The following NDST3 variants were observed in gnomAD, a reference collection of about 807,000 sequenced individuals.
NDST3 encodes bifunctional heparan sulfate N-deacetylase/N-sulfotransferase 3.
Under a neutral mutation model 96.1 loss-of-function variants are expected in NDST3, and 58 were observed. The ratio of observed to expected loss-of-function variants is 0.60; its 90% CI spans 0.49 to 0.75. NDST3 has a LOEUF of 0.75. NDST3 is among the 30% of genes least tolerant of loss of function. The pLI, the probability that NDST3 is intolerant of heterozygous loss-of-function variation, is 0.00. For synonymous variants in NDST3, 333 were observed against 359.7 expected, an observed-to-expected ratio of 0.93 and a Z score of 0.84; for missense variants, 788 against 1,034.2, an observed-to-expected ratio of 0.76 and a Z score of 3.27.
chr4:118,056,707 G>A (rs1382456244), intron 2 of NDST3, among the ~76,000 whole-genome samples: 2 of 151,946 alleles, frequency 1.3e-5, no homozygotes, highest in African/African-American at 4.8e-5. Context: ...GAGGGGCAGG[G>A]GAGAGTAGAG....
chr4:118,121,483 G>T (rs1241561628), intron 4 of NDST3, among the ~76,000 whole-genome samples: 1 of 152,172 alleles, frequency 6.6e-6, no homozygotes, highest in Non-Finnish European at 1.5e-5. Flanking sequence ...GAACATTAGA[G>T]AAGGAGTGTT....
At chr4:118,120,229 C>T (rs913155557) in intron 4 of NDST3, among the ~76,000 whole-genome samples, 1 of 151,892 alleles carries the variant, frequency 6.6e-6, no homozygotes, top group African/African-American at 2.4e-5. Flanking sequence ...GAGATGACTG[C>T]CATTGAAAAG....
At chr4:118,108,438 CT>C (rs1730381033) in intron 3 of NDST3, among the ~76,000 whole-genome samples, 1 of 152,074 alleles carries the variant, frequency 6.6e-6, no homozygotes, top group African/African-American at 2.4e-5. Context: ...ATTGCAAATG[CT>C]TTTCAAATTT....
At chr4:118,239,211 A>G (rs1740865890) in intron 10 of NDST3, among the ~76,000 whole-genome samples, 1 of 152,238 alleles carries the variant, frequency 6.6e-6, no homozygotes. Context: ...TCATAATATT[A>G]GAGAATAAAG....
At chr4:118,193,568 G>A in intron 6 of NDST3, 1 of 1,099,284 alleles carries the variant, frequency 9.1e-7, no homozygotes, top group South Asian at 1.2e-5. Context: ...CTTCTCCCAG[G>A]CAAGCTGCCT....
At chr4:118,254,909 A>G (rs1270893374) in intron 13 of NDST3, among the ~76,000 whole-genome samples, 2 of 152,194 alleles carry the variant, frequency 1.3e-5, no homozygotes, top group Non-Finnish European at 2.9e-5. Context: ...ATTTTGATAA[A>G]CAAACTGCAT....
At chr4:118,131,508 T>A (rs1300131236) in intron 4 of NDST3, among the ~76,000 whole-genome samples, 6 of 152,164 alleles carry the variant, frequency 3.9e-5, no homozygotes. Flanking sequence ...TCTCTGTTAA[T>A]CTTGAATTTC....
chr4:118,162,000 A>G lies in NDST3; in HGVS notation c.1539+18316A>G, dbSNP rs535759553. ...GGAGCTGTAGACCGGAGCTGTTCCTATTCAGCCATCTTGGGTAAAATACCT... is the reference window on the plus strand; with the variant it reads ...GGAGCTGTAGACCGGAGCTGTTCCTGTTCAGCCATCTTGGGTAAAATACCT... On this transcript the variant is annotated intron_variant, in intron 6 of 13. Coordinates refer to ENST00000296499, the MANE Select transcript of NDST3 (RefSeq NM_004784.3). Among the ~76,000 whole-genome samples the G allele has an allele frequency of 3.3e-5, 5 of 152,272 alleles. No individual in the cohort carries two copies. The East Asian group carries it at 9.7e-4, about 29-fold the overall frequency.
At chr4:118,182,062 T>A (rs184734696) in intron 6 of NDST3, among the ~76,000 whole-genome samples, 2 of 152,206 alleles carry the variant, frequency 1.3e-5, no homozygotes, top group East Asian at 3.9e-4. Context: ...AGAAAAAGAT[T>A]CAGACAATGC....
At chr4:118,150,228 G>T (rs994509259) in intron 6 of NDST3, among the ~76,000 whole-genome samples, 41 of 152,160 alleles carry the variant, frequency 2.7e-4, no homozygotes, top group African/African-American at 8.4e-4. Context: ...TTTTTTGGAT[G>T]TGTCTCTGCC....
Position 118,051,183 on chromosome 4 carries a change from A to G in NDST3, c.-155-2573A>G, listed in dbSNP as rs546982238. 3.3e-5 allele frequency among the ~76,000 whole-genome samples: 5 copies of G among 152,312 alleles called. No individual in the cohort carries two copies. In the East Asian group the frequency reaches 9.6e-4, roughly 29 times the overall value. On this transcript the variant is annotated intron_variant, in intron 1 of 13. Coordinates refer to ENST00000296499, the MANE Select transcript of NDST3 (RefSeq NM_004784.3). ...GGCTAGCCATATGCAGAAGAATGAAACTGGACCCTTACCTTTTACCATATA... is the reference window on the plus strand; with the variant it reads ...GGCTAGCCATATGCAGAAGAATGAAGCTGGACCCTTACCTTTTACCATATA...
intron 2 of NDST3, among the ~76,000 whole-genome samples, chr4:118,097,077 C>T (rs137966876): frequency 3.9e-5 from 6 of 152,072 alleles, no homozygotes; most frequent in Non-Finnish European, 8.8e-5. Context: ...ATCTGCTTTA[C>T]TCAGTCTACT....
chr4:118,091,129 T>C lies in NDST3; in HGVS notation c.982-13889T>C, dbSNP rs537815344. ...GAGAGCAGTAGATATAGATACCAGA[T>C]ATAGATACTTGAGGGTGAAGAGTGG... On this transcript the variant is annotated intron_variant, in intron 2 of 13. Transcript: ENST00000296499. Among the ~76,000 whole-genome samples, 3 of 151,420 alleles carry C rather than the reference T, an allele frequency of 2.0e-5. No individual in the cohort carries two copies. In the South Asian group the frequency reaches 6.3e-4, roughly 32 times the overall value.
intron 2 of NDST3, among the ~76,000 whole-genome samples, chr4:118,059,698 C>T (rs966339694): frequency 1.3e-5 from 2 of 151,952 alleles, no homozygotes; most frequent in African/African-American, 4.8e-5. Context: ...TAACAACATA[C>T]CAAATATTGG....
intron 1 of NDST3, among the ~76,000 whole-genome samples, chr4:118,043,896 T>C (rs1320031231): frequency 2.0e-5 from 3 of 152,224 alleles, no homozygotes; most frequent in South Asian, 2.1e-4. Flanking sequence ...GTTAGACCAA[T>C]TCCTCAGGGA....
chr4:118,078,053 G>A (rs1279386342), intron 2 of NDST3, among the ~76,000 whole-genome samples: 1 of 152,182 alleles, frequency 6.6e-6, no homozygotes, highest in African/African-American at 2.4e-5. Flanking sequence ...GATGGAGCGG[G>A]CATGGAGGAG....
intron 1 of NDST3, among the ~76,000 whole-genome samples, chr4:118,045,683 A>G (rs1340865966): frequency 6.6e-6 from 1 of 152,188 alleles, no homozygotes; most frequent in Non-Finnish European, 1.5e-5. Context: ...TGGAAGCAGA[A>G]TGTTATTCGT....
intron 9 of NDST3, among the ~76,000 whole-genome samples, chr4:118,234,959 G>A (rs1375087589): frequency 1.3e-5 from 2 of 151,610 alleles, no homozygotes; most frequent in East Asian, 3.9e-4. Flanking sequence ...GAACCTGGGA[G>A]GCAGAGGTTG....
intron 6 of NDST3, among the ~76,000 whole-genome samples, chr4:118,221,615 T>G (rs2204269): frequency 0.17 from 25,779 of 151,996 alleles, 2,341 homozygotes; most frequent in South Asian, 0.23. Context: ...CTTCCCACAC[T>G]TTTCTCTTAG....
Sources: allele counts gnomAD v4.1 joint callset (sites outside exome capture counted in the v4.1 genomes callset), GRCh38; gene constraint gnomAD v4.1.1; transcripts MANE v1.5; gene names NCBI Gene and HGNC (gene_info 2026-07-23, HGNC 2026-07-21).